The following DTD1 variants were observed in gnomAD, a reference collection of about 807,000 sequenced individuals.
DTD1 encodes the protein D-aminoacyl-tRNA deacylase 1.
In DTD1, 13 loss-of-function variants were observed where a neutral mutation model predicts 25.6. That is an observed-to-expected ratio of 0.51 (90% CI 0.33 to 0.81). DTD1 has a LOEUF of 0.81. Among genes scored for constraint, DTD1 ranks in the 30% least tolerant of loss-of-function variants. The probability of loss-of-function intolerance (pLI) is 0.02; values close to 1 mark genes in which losing one functional copy is unlikely to be tolerated. For missense variants in DTD1, 193 were observed against 266.4 expected (o/e 0.72, Z 1.92); for synonymous variants, 110 against 103.6 (o/e 1.06, Z -0.37).
chr20:18,623,886 G>GTC (rs2060746234), intron 3 of DTD1, among the ~76,000 whole-genome samples: 2 of 151,558 alleles, frequency 1.3e-5, no homozygotes, highest in Non-Finnish European at 2.9e-5. Flanking sequence ...GTGTGTGTGT[G>GTC]TGTGTGTGTG....
chr20:18,614,347 T>C (rs992571490), intron 3 of DTD1, among the ~76,000 whole-genome samples: 5 of 152,098 alleles, frequency 3.3e-5, no homozygotes, highest in South Asian at 2.1e-4. Flanking sequence ...CCTGAATGCA[T>C]TGTGTAAAAA....
At chr20:18,740,167 G>A (rs1038577032) in intron 4 of DTD1, among the ~76,000 whole-genome samples, 1 of 152,126 alleles carries the variant, frequency 6.6e-6, no homozygotes, top group African/African-American at 2.4e-5. Flanking sequence ...ACTCCCCATC[G>A]TCCTCTCTGG....
intron 4 of DTD1, among the ~76,000 whole-genome samples, chr20:18,714,001 C>G (rs1013134570): frequency 2.6e-4 from 39 of 152,284 alleles, no homozygotes; most frequent in African/African-American, 9.1e-4. Flanking sequence ...GCCTGCACTC[C>G]ACCGTCTCCT....
At chr20:18,589,208 G>A (rs759603079) in intron 1 of DTD1, among the ~76,000 whole-genome samples, 7 of 151,554 alleles carry the variant, frequency 4.6e-5, no homozygotes, top group Non-Finnish European at 1.0e-4. Context: ...AAAATTAGCC[G>A]GGAGCGGTGG....
intron 4 of DTD1, among the ~76,000 whole-genome samples, chr20:18,702,911 G>A (rs1256968203): frequency 2.0e-5 from 3 of 152,188 alleles, no homozygotes; most frequent in African/African-American, 4.8e-5. Context: ...TGACTGGGCC[G>A]CTGCCTGGAC....
In DTD1 at chr20:18,764,206, T is replaced by G. The variant is rs148458688; in HGVS notation, c.*866T>G. On this transcript the variant is annotated 3_prime_UTR_variant, in exon 6 of 6. Transcript: ENST00000377452. ...CAAGTGTGGAGCCACATCTGGTGTA[T>G]CCAGCTTTGGGAGGTGGAGGAAGGC... 1 of 152,240 alleles carries G rather than the reference T, an allele frequency of 6.6e-6. No individual in the cohort carries two copies. The highest frequency in any genetic ancestry group is 2.4e-5 in the African/African-American group (1 of 41,448). The allele number at this position is 152,240 out of a possible 1,614,324, so 9.4% of individuals were successfully genotyped here.
chr20:18,597,154 AGTGTGT>A (rs4052788), intron 3 of DTD1, among the ~76,000 whole-genome samples: 15,300 of 143,396 alleles, frequency 0.11, 1,114 homozygotes, highest in East Asian at 0.33. Flanking sequence ...GATGAGAGAA[AGTGTGT>A]GTGTGTGTGT....
intron 4 of DTD1, among the ~76,000 whole-genome samples, chr20:18,709,725 T>G (rs1482723513): frequency 6.6e-6 from 1 of 152,112 alleles, no homozygotes; most frequent in Non-Finnish European, 1.5e-5. Context: ...AATACCCAGG[T>G]GTACTTGGTA....
Position 18,733,445 on chromosome 20 carries a change from G to T in DTD1, c.478-10655G>T, listed in dbSNP as rs540382056. 9.2e-5 allele frequency among the ~76,000 whole-genome samples: 14 copies of T among 152,272 alleles called. No individual in the cohort carries two copies. The South Asian group carries it at 2.3e-3, about 25-fold the overall frequency. On this transcript the variant is annotated intron_variant, in intron 4 of 5. Transcript: ENST00000377452. ...GTGGGCTCTGGCAGTGTCTGTGGTG[G>T]GGAGCTGACAAAGAGGTTTTGAGGG...
intron 4 of DTD1, among the ~76,000 whole-genome samples, chr20:18,719,440 A>C (rs1352192988): frequency 1.3e-5 from 2 of 152,252 alleles, no homozygotes; most frequent in African/African-American, 2.4e-5. Context: ...ATTAGCCACT[A>C]AACTGTCCCA....
intron 4 of DTD1, among the ~76,000 whole-genome samples, chr20:18,696,017 T>A (rs2061074744): frequency 6.6e-6 from 1 of 152,060 alleles, no homozygotes; most frequent in African/African-American, 2.4e-5. Context: ...GATTTAAGGC[T>A]TTGGTGACAA....
intron 4 of DTD1, among the ~76,000 whole-genome samples, chr20:18,731,479 A>G (rs922015606): frequency 2.0e-5 from 3 of 152,254 alleles, no homozygotes; most frequent in Non-Finnish European, 4.4e-5. Context: ...CTGAAGGTGT[A>G]TAATGAAAAA....
chr20:18,719,770 CACTT>C (rs1460095081), intron 4 of DTD1, among the ~76,000 whole-genome samples: 2 of 152,206 alleles, frequency 1.3e-5, no homozygotes, highest in East Asian at 1.9e-4. Context: ...TGACTTAAGA[CACTT>C]ACTTTTATGT....
chr20:18,632,578 T>A (rs2060792741), intron 4 of DTD1: 2 of 985,408 alleles, frequency 2.0e-6, no homozygotes, highest in Non-Finnish European at 2.4e-6. Flanking sequence ...AACACGTGTT[T>A]CTATCAATTA....
intron 5 of DTD1, among the ~76,000 whole-genome samples, chr20:18,760,621 C>T (rs1013662954): frequency 4.6e-5 from 7 of 152,144 alleles, no homozygotes; most frequent in African/African-American, 7.2e-5. Context: ...AGTACCCGGC[C>T]GTGTGAGGTG....
intron 5 of DTD1, among the ~76,000 whole-genome samples, chr20:18,761,000 G>A (rs1398878013): frequency 6.6e-6 from 1 of 152,136 alleles, no homozygotes; most frequent in East Asian, 1.9e-4. Flanking sequence ...TGCTAGCAAT[G>A]AGCGAGGCTC....
intron 4 of DTD1, among the ~76,000 whole-genome samples, chr20:18,703,946 T>C (rs1162184248): frequency 6.6e-6 from 1 of 152,086 alleles, no homozygotes; most frequent in Non-Finnish European, 1.5e-5. Flanking sequence ...TGTCTGTTCA[T>C]ATTAAGAACA....
At chr20:18,733,799 C>T (rs1027584591) in intron 4 of DTD1, among the ~76,000 whole-genome samples, 2 of 152,274 alleles carry the variant, frequency 1.3e-5, no homozygotes, top group Non-Finnish European at 2.9e-5. Flanking sequence ...AAACCTCAAG[C>T]AGAGTTAATA....
At chr20:18,707,746 A>G (rs1226274332) in intron 4 of DTD1, among the ~76,000 whole-genome samples, 1 of 151,950 alleles carries the variant, frequency 6.6e-6, no homozygotes, top group Admixed American at 6.6e-5. Flanking sequence ...AGTACATGGT[A>G]ACACACACGC....
Sources: gnomAD v4.1 joint callset for allele counts (sites outside exome capture counted in the v4.1 genomes callset) on GRCh38, gnomAD v4.1.1 for gene constraint, MANE v1.5 for transcripts, NCBI Gene and HGNC (gene_info 2026-07-23, HGNC 2026-07-21) for gene names.